The following AP3B1 variants were observed in gnomAD, a reference collection of about 807,000 sequenced individuals.
The protein encoded by AP3B1 is adaptor related protein complex 3 subunit beta 1.
Under a neutral mutation model 132.5 loss-of-function variants are expected in AP3B1, and 61 were observed. The ratio of observed to expected loss-of-function variants is 0.46; its 90% confidence interval spans 0.37 to 0.57. AP3B1 has a LOEUF of 0.57. Among genes scored for constraint, AP3B1 ranks in the 20% least tolerant of loss-of-function variants. The probability of loss-of-function intolerance (pLI) is 0.00; values close to 1 mark genes in which losing one functional copy is unlikely to be tolerated. For missense variants in AP3B1, 1,120 were observed against 1,289.4 expected (o/e 0.87, Z 2.01); for synonymous variants, 388 against 438.3 (o/e 0.89, Z 1.43).
intron 7 of AP3B1, among the ~76,000 whole-genome samples, chr5:78,184,673 C>A (rs78043898): frequency 2.2e-5 from 3 of 136,256 alleles, no homozygotes; most frequent in Non-Finnish European, 4.5e-5. Context: ...GGTGACACAG[C>A]GAGACACTGT....
At chr5:78,235,630 A>T (rs991393995) in intron 3 of AP3B1, among the ~76,000 whole-genome samples, 1 of 152,226 alleles carries the variant, frequency 6.6e-6, no homozygotes, top group South Asian at 2.1e-4. Flanking sequence ...GTGACCAGAA[A>T]TGGGAGTAGT....
chr5:78,183,157 A>T (rs1409279111), intron 7 of AP3B1, among the ~76,000 whole-genome samples: 1 of 152,188 alleles, frequency 6.6e-6, no homozygotes, highest in Non-Finnish European at 1.5e-5. Flanking sequence ...GGGAGCCAGA[A>T]ATCCCACATT....
chr5:78,243,355 G>A (rs888065170), intron 2 of AP3B1, among the ~76,000 whole-genome samples: 4 of 152,100 alleles, frequency 2.6e-5, no homozygotes, highest in Non-Finnish European at 5.9e-5. Flanking sequence ...CCTACTCCAT[G>A]ACTATCTAAC....
chr5:78,097,540 C>T lies in AP3B1; in HGVS notation c.2470+3413G>A, dbSNP rs1750910838. ...GTCAGCCCCCCGCCCGGCCAGCCGC[C>T]CCGTCCGGGAGGGAGGTAGGGGGTC... is the stretch of plus-strand genomic sequence containing the variant. On this transcript the variant is annotated intron_variant, in intron 21 of 26. Coordinates refer to ENST00000255194, the MANE Select transcript of AP3B1 (RefSeq NM_003664.5). Among the ~76,000 whole-genome samples, 15 of 129,614 alleles carry T rather than the reference C, an allele frequency of 1.2e-4. 1 individual carries two copies. The highest frequency in any genetic ancestry group is 1.1e-3 in the Admixed American group (15 of 13,120). The allele number at this position is 129,614 out of a possible 152,430, so 85.0% of individuals were successfully genotyped here.
intron 1 of AP3B1, among the ~76,000 whole-genome samples, chr5:78,267,923 T>C (rs538674647): frequency 6.6e-6 from 1 of 152,166 alleles, no homozygotes; most frequent in Admixed American, 6.5e-5. Flanking sequence ...AAAAAATAAG[T>C]AAAAGCTAAG....
In AP3B1 at chr5:78,227,340, GATCTTTGGTATATTGTT is replaced by G; in HGVS notation, c.536+15_536+31del. ...CTATAACATTCCATGTAACATCAGA[GATCTTTGGTATATTGTT>G]AACAATGCACCTACCTGTATAATTT... is the stretch of plus-strand genomic sequence containing the variant. On this transcript the variant is annotated intron_variant, in intron 5 of 26. Coordinates refer to ENST00000255194, the MANE Select transcript of AP3B1 (RefSeq NM_003664.5). 6.2e-7 allele frequency: 1 copy of G among 1,603,356 alleles called. No individual in the cohort carries two copies. The highest frequency in any genetic ancestry group is 8.5e-7 in the Non-Finnish European group (1 of 1,171,022).
At chr5:78,048,918 C>T (rs1042769091) in intron 22 of AP3B1, among the ~76,000 whole-genome samples, 3 of 152,244 alleles carry the variant, frequency 2.0e-5, no homozygotes, top group Non-Finnish European at 4.4e-5. Context: ...GAGAATGCCC[C>T]CTTCCCCCAC....
chr5:78,233,669 G>A (rs1746753846), intron 3 of AP3B1, among the ~76,000 whole-genome samples: 1 of 152,172 alleles, frequency 6.6e-6, no homozygotes, highest in African/African-American at 2.4e-5. Flanking sequence ...TTTCCAGCTA[G>A]AATTTAAATG....
At chr5:78,285,851 C>T (rs1749254961) in intron 1 of AP3B1, among the ~76,000 whole-genome samples, 1 of 152,200 alleles carries the variant, frequency 6.6e-6, no homozygotes, top group Non-Finnish European at 1.5e-5. Context: ...AACTCACCCA[C>T]TTCTCTCCAC....
At chr5:78,122,714 G>A (rs369578161) in intron 17 of AP3B1, among the ~76,000 whole-genome samples, 3 of 151,990 alleles carry the variant, frequency 2.0e-5, no homozygotes, top group South Asian at 4.2e-4. Context: ...AACAAATGGA[G>A]GAACATTCCA....
At chr5:78,123,373 T>C (rs2112287217) in intron 17 of AP3B1, among the ~76,000 whole-genome samples, 1 of 152,282 alleles carries the variant, frequency 6.6e-6, no homozygotes, top group East Asian at 1.9e-4. Flanking sequence ...AAAGAGCTTC[T>C]GCACAGCAAA....
intron 11 of AP3B1, among the ~76,000 whole-genome samples, chr5:78,169,733 G>GTTTATTTA (rs1554072569): frequency 5.3e-5 from 8 of 151,160 alleles, no homozygotes; most frequent in Non-Finnish European, 7.4e-5. Context: ...AAGCCCTGAA[G>GTTTATTTA]TTTATTTATT....
intron 1 of AP3B1, among the ~76,000 whole-genome samples, chr5:78,279,674 G>A (rs779812229): frequency 4.6e-5 from 7 of 151,524 alleles, no homozygotes; most frequent in East Asian, 1.9e-4. Flanking sequence ...TTTGGGATGC[G>A]GAGGCAGGAA....
At chr5:78,218,572 T>C (rs928810482) in intron 6 of AP3B1, among the ~76,000 whole-genome samples, 3 of 151,990 alleles carry the variant, frequency 2.0e-5, no homozygotes, top group Non-Finnish European at 4.4e-5. Flanking sequence ...ATCTATGGAG[T>C]TCATATTTTC....
intron 7 of AP3B1, among the ~76,000 whole-genome samples, chr5:78,193,770 A>ATATATATTTTTT: frequency 7.4e-5 from 5 of 67,216 alleles, no homozygotes; most frequent in African/African-American, 2.6e-4. Flanking sequence ...ATATATATAT[A>ATATATATTTTTT]TTTTTTTTTT....
chr5:78,287,803 T>C (rs1749344556), intron 1 of AP3B1, among the ~76,000 whole-genome samples: 2 of 148,496 alleles, frequency 1.3e-5, no homozygotes, highest in African/African-American at 4.9e-5. Flanking sequence ...CAAGCAAATA[T>C]GTTAACAGCT....
rs190724667 is a variant in AP3B1 at position 78,293,035 on chromosome 5, C to T, written c.128+1417G>A. Among the ~76,000 whole-genome samples, 188 of 152,110 alleles carry T rather than the reference C, an allele frequency of 1.2e-3. 1 individual carries two copies. The highest frequency in any genetic ancestry group is 5.8e-3 in the South Asian group (28 of 4,812). On this transcript the variant is annotated intron_variant, in intron 1 of 26. Transcript: ENST00000255194. ...CTGGGATTACAGGCACGAGCCACCA[C>T]GCCCGGCTAATTTTTGTATTTTTAG...
intron 7 of AP3B1, among the ~76,000 whole-genome samples, chr5:78,201,845 G>GA (rs1441036911): frequency 2.0e-5 from 3 of 152,196 alleles, no homozygotes; most frequent in African/African-American, 4.8e-5. Context: ...CCTCTCCCCA[G>GA]AAAAAATGTG....
chr5:78,281,160 C>A (rs908075793), intron 1 of AP3B1, among the ~76,000 whole-genome samples: 7 of 152,108 alleles, frequency 4.6e-5, no homozygotes, highest in Admixed American at 1.3e-4. Context: ...CTCGGCCGGG[C>A]GCAGTGGCTC....
Sources: gnomAD v4.1 joint callset for allele counts (sites outside exome capture counted in the v4.1 genomes callset) on GRCh38, gnomAD v4.1.1 for gene constraint, MANE v1.5 for transcripts, NCBI Gene and HGNC (gene_info 2026-07-23, HGNC 2026-07-21) for gene names.